FHL2: variants seen among roughly 807,000 people sequenced by gnomAD.
The protein encoded by FHL2 is four and a half LIM domains 2.
Under a neutral mutation model 32.7 loss-of-function variants are expected in FHL2, and 20 were observed. That is an observed-to-expected ratio of 0.61 (90% CI 0.43 to 0.89). The LOEUF (loss-of-function observed/expected upper bound fraction) is 0.89. Ranked by LOEUF, FHL2 falls within the 40% of genes least tolerant of loss-of-function variation. The pLI is 0.00. For synonymous variants in FHL2, 123 were observed against 128.1 expected, an observed-to-expected ratio of 0.96 and a Z score of 0.27; for missense variants, 311 against 358.6, an observed-to-expected ratio of 0.87 and a Z score of 1.07.
rs1212946750 is a variant in FHL2 at position 105,432,342 on chromosome 2, A to AT, written c.-25+6056dup. Among the ~76,000 whole-genome samples the AT allele has an allele frequency of 3.9e-5, 6 of 151,986 alleles. No homozygotes were observed. In the East Asian group the frequency reaches 1.2e-3, roughly 29 times the overall value. ...AGCTTTATGTCTTACACTCGCTATT[A>AT]TTTTTTCTCTGAACCTAACTGATTT... On this transcript the variant is annotated intron_variant, in intron 1 of 5. Coordinates refer to the FHL2 transcript ENST00000393352.
At chr2:105,429,807 C>T (rs35531096) in intron 1 of FHL2, among the ~76,000 whole-genome samples, 5,689 of 152,242 alleles carry the variant, frequency 0.037, 164 homozygotes, top group East Asian at 0.14. Context: ...TTGTAATTGT[C>T]CCTGCACCAG....
chr2:105,390,582 C>T (rs1408251809), intron 2 of FHL2, among the ~76,000 whole-genome samples: 1 of 152,174 alleles, frequency 6.6e-6, no homozygotes, highest in African/African-American at 2.4e-5. Context: ...CAGGGCAGAG[C>T]ATAAAATGAG....
At chr2:105,398,445 G>T (rs1316891975) in intron 1 of FHL2, among the ~76,000 whole-genome samples, 1 of 152,190 alleles carries the variant, frequency 6.6e-6, no homozygotes, top group African/African-American at 2.4e-5. Context: ...GCAGACCACC[G>T]TGCCAGGACA....
chr2:105,395,329 C>G (rs771498603), intron 2 of FHL2, among the ~76,000 whole-genome samples: 1 of 152,230 alleles, frequency 6.6e-6, no homozygotes, highest in Non-Finnish European at 1.5e-5. Context: ...ATGGCTCTAC[C>G]ATGCCTTCCC....
chr2:105,377,981 C>T (rs1681598553), intron 3 of FHL2: 1 of 447,068 alleles, frequency 2.2e-6, no homozygotes, highest in South Asian at 1.7e-5. Flanking sequence ...AGAAAATTTG[C>T]CTTTTGGGAC....
intron 2 of FHL2, among the ~76,000 whole-genome samples, chr2:105,394,459 G>C (rs1682977023): frequency 6.6e-6 from 1 of 151,958 alleles, no homozygotes; most frequent in Admixed American, 6.6e-5. Flanking sequence ...TACAGTCCTA[G>C]CTACCTGGGA....
intron 1 of FHL2, among the ~76,000 whole-genome samples, chr2:105,427,294 A>AT (rs1219046981): frequency 1.3e-5 from 2 of 152,022 alleles, no homozygotes; most frequent in Non-Finnish European, 2.9e-5. Flanking sequence ...CTTTAATTCT[A>AT]TTTTTTCCTG....
At chr2:105,425,408 C>T (rs1474834358) in intron 1 of FHL2, among the ~76,000 whole-genome samples, 1 of 152,168 alleles carries the variant, frequency 6.6e-6, no homozygotes, top group Non-Finnish European at 1.5e-5. Context: ...GGTTTCTCCC[C>T]ATGTGATAGT....
intron 1 of FHL2, among the ~76,000 whole-genome samples, chr2:105,407,768 G>A (rs1683681494): frequency 6.6e-6 from 1 of 152,054 alleles, no homozygotes; most frequent in Non-Finnish European, 1.5e-5. Flanking sequence ...TGCTAGTGAG[G>A]GGCTTCTTCT....
chr2:105,419,211 A>AT (rs572876535), intron 1 of FHL2, among the ~76,000 whole-genome samples: 75 of 152,230 alleles, frequency 4.9e-4, no homozygotes, highest in African/African-American at 1.8e-3. Flanking sequence ...TTTTTAAAAA[A>AT]TTTTTTTATT....
At chr2:105,430,732 A>G (rs1276626724) in intron 1 of FHL2, among the ~76,000 whole-genome samples, 1 of 152,220 alleles carries the variant, frequency 6.6e-6, no homozygotes, top group East Asian at 1.9e-4. Flanking sequence ...TTGGGTATAA[A>G]GAAATTCCCA....
chr2:105,428,027 A>T (rs773220067), intron 1 of FHL2, among the ~76,000 whole-genome samples: 2 of 152,252 alleles, frequency 1.3e-5, no homozygotes, highest in Admixed American at 1.3e-4. Context: ...CTGATTTCTA[A>T]CACTGTGATG....
At chr2:105,378,662 C>G (rs1014669216) in intron 3 of FHL2, 1 of 155,452 alleles carries the variant, frequency 6.4e-6, no homozygotes, top group Non-Finnish European at 1.4e-5. Context: ...AGCTCCGCAA[C>G]GTTTCTCTCA....
chr2:105,434,352 G>A (rs778797416), intron 1 of FHL2, among the ~76,000 whole-genome samples: 27 of 152,244 alleles, frequency 1.8e-4, no homozygotes, highest in Non-Finnish European at 2.8e-4. Context: ...TGGGCGGATC[G>A]CCTGAGGTCA....
chr2:105,388,109 G>A (rs989693754), intron 2 of FHL2, among the ~76,000 whole-genome samples: 5 of 152,112 alleles, frequency 3.3e-5, no homozygotes, highest in Non-Finnish European at 5.9e-5. Context: ...TACTTGAGCG[G>A]GGAGGGAGGA....
At chr2:105,422,599 A>T (rs1684136563) in intron 1 of FHL2, among the ~76,000 whole-genome samples, 1 of 151,014 alleles carries the variant, frequency 6.6e-6, no homozygotes, top group African/African-American at 2.4e-5. Context: ...ATTTTCCGCT[A>T]ATTTGTTGTT....
At chr2:105,393,113 C>T (rs1035761133) in intron 2 of FHL2, among the ~76,000 whole-genome samples, 3 of 151,998 alleles carry the variant, frequency 2.0e-5, no homozygotes, top group Admixed American at 2.0e-4. Flanking sequence ...ACAGGTAAAG[C>T]CTGAAGAGGT....
At chr2:105,386,146 A>G (rs1682291294) in intron 3 of FHL2, 1 of 497,028 alleles carries the variant, frequency 2.0e-6, no homozygotes, top group Admixed American at 3.6e-5. Context: ...ACTAAGCACA[A>G]AAGTCCTGGC....
At chr2:105,407,340 T>C (rs959601047) in intron 1 of FHL2, among the ~76,000 whole-genome samples, 8 of 144,964 alleles carry the variant, frequency 5.5e-5, no homozygotes, top group Non-Finnish European at 9.0e-5. Flanking sequence ...TGCAGTGAGC[T>C]GAGATCGCTC....
Sources: gnomAD v4.1 joint callset for allele counts (sites outside exome capture counted in the v4.1 genomes callset) on GRCh38, gnomAD v4.1.1 for gene constraint, MANE v1.5 for transcripts, NCBI Gene and HGNC (gene_info 2026-07-23, HGNC 2026-07-21) for gene names.